Variants in AGBL1 observed in about 807,000 individuals in gnomAD.
AGBL1 encodes the protein cytosolic carboxypeptidase 4.
AGBL1 carries 130 observed loss-of-function variants against 118.9 expected under a neutral mutation model. The ratio of observed to expected loss-of-function variants is 1.09; its 90% CI spans 0.95 to 1.26. AGBL1 has a LOEUF of 1.26. Ranked by LOEUF, AGBL1 falls within the 50% of genes most tolerant of loss-of-function variation. The probability of loss-of-function intolerance (pLI) is 0.00; values close to 1 mark genes in which losing one functional copy is unlikely to be tolerated. For synonymous variants in AGBL1, 555 were observed against 478.9 expected, an observed-to-expected ratio of 1.16 and a Z score of -2.08; for missense variants, 1,584 against 1,298.1, an observed-to-expected ratio of 1.22 and a Z score of -3.38.
chr15:86,332,738 C>T, intron 17 of AGBL1, among the ~76,000 whole-genome samples: 1 of 151,850 alleles, frequency 6.6e-6, no homozygotes, highest in South Asian at 2.1e-4. Flanking sequence ...CACCCATCAA[C>T]TGCAGAATAT....
At chr15:86,196,884 C>CGT (rs2077820228) in intron 5 of AGBL1, among the ~76,000 whole-genome samples, 2 of 96,540 alleles carry the variant, frequency 2.1e-5, no homozygotes, top group African/African-American at 3.7e-5. Flanking sequence ...CGCGCGCACA[C>CGT]ACACACACAC....
chr15:86,994,774 C>A (rs1361905699), intron 24 of AGBL1, among the ~76,000 whole-genome samples: 7 of 152,166 alleles, frequency 4.6e-5, no homozygotes, highest in Non-Finnish European at 8.8e-5. Context: ...CAAATTTAAA[C>A]ATTCCAATTA....
chr15:86,502,181 T>G (rs1488572932), intron 18 of AGBL1, among the ~76,000 whole-genome samples: 1 of 151,562 alleles, frequency 6.6e-6, no homozygotes, highest in Non-Finnish European at 1.5e-5. Flanking sequence ...TTCCTAAGTA[T>G]TTTATTCTTT....
intron 18 of AGBL1, among the ~76,000 whole-genome samples, chr15:86,431,155 C>A: frequency 6.6e-6 from 1 of 152,152 alleles, no homozygotes. Context: ...CACGATGAAC[C>A]TCACTTCCCA....
In AGBL1 at chr15:86,520,793, A is replaced by T. The variant is rs142582000; in HGVS notation, c.2556-2017A>T. ...AGAAATCACAGAGCAGTCAAAGAGA[A>T]TCCTGGGGCTCTGGGATGTTGTGCC... On this transcript the variant is annotated intron_variant, in intron 18 of 22. Transcript: ENST00000614907. Among the ~76,000 whole-genome samples, 88 of 152,330 alleles carry T rather than the reference A, an allele frequency of 5.8e-4. 2 individuals are homozygous for T. The East Asian group carries it at 0.015, about 26-fold the overall frequency.
At chr15:86,769,213 G>GAC (rs2078139223) in intron 22 of AGBL1, among the ~76,000 whole-genome samples, 1 of 151,552 alleles carries the variant, frequency 6.6e-6, no homozygotes. Context: ...GAGAGAGAGA[G>GAC]AGAGAGAGAG....
intron 22 of AGBL1, among the ~76,000 whole-genome samples, chr15:86,831,468 T>C (rs1567196974): frequency 6.6e-6 from 1 of 152,210 alleles, no homozygotes; most frequent in African/African-American, 2.4e-5. Context: ...GTACAGGTAT[T>C]GGGTAAATAC....
intron 18 of AGBL1, among the ~76,000 whole-genome samples, chr15:86,488,037 T>C (rs949412944): frequency 6.6e-6 from 1 of 152,080 alleles, no homozygotes; most frequent in African/African-American, 2.4e-5. Context: ...TAACTCATCC[T>C]GAACTTTTCT....
At position 86,173,569 on chromosome 15, in the gene AGBL1, GT is replaced by G. The variant is rs542759481; in HGVS notation, c.488+14547del. Among the ~76,000 whole-genome samples, 461 of 152,090 alleles carry G rather than the reference GT, an allele frequency of 3.0e-3. 3 individuals carry two copies. The highest frequency in any genetic ancestry group is 0.011 in the African/African-American group (436 of 41,498). ...AGTGTTTTCTTCTAGTAGTTTCATAGTTTTGGGTTTTATATTTAAGTCTTTA... is the reference window on the plus strand; with the variant it reads ...AGTGTTTTCTTCTAGTAGTTTCATAGTTTGGGTTTTATATTTAAGTCTTTA... On this transcript the variant is annotated intron_variant, in intron 5 of 22. Coordinates refer to ENST00000614907, the MANE Select transcript of AGBL1 (RefSeq NM_001386094.1).
At chr15:86,933,609 T>A (rs569924683) in intron 23 of AGBL1, among the ~76,000 whole-genome samples, 13 of 152,158 alleles carry the variant, frequency 8.5e-5, no homozygotes, top group Non-Finnish European at 1.6e-4. Flanking sequence ...CTCAGGGAAT[T>A]GGATTTGTCT....
intron 22 of AGBL1, among the ~76,000 whole-genome samples, chr15:86,859,626 G>T (rs1395353392): frequency 6.6e-6 from 1 of 152,128 alleles, no homozygotes; most frequent in Non-Finnish European, 1.5e-5. Context: ...TTCTGTAAGG[G>T]TGCCGAGAAC....
chr15:86,827,361 ATGTGTGTG>A (rs1212966702), intron 22 of AGBL1, among the ~76,000 whole-genome samples: 193 of 8,970 alleles, frequency 0.022, 30 homozygotes, highest in East Asian at 0.17. Flanking sequence ...ATATATATAT[ATGTGTGTG>A]TATATATATA....
chr15:86,525,784 T>C (rs2083255004), intron 19 of AGBL1, among the ~76,000 whole-genome samples: 1 of 152,060 alleles, frequency 6.6e-6, no homozygotes, highest in Non-Finnish European at 1.5e-5. Context: ...TACGAAAAAC[T>C]CTTCTGGATA....
intron 1 of AGBL1, among the ~76,000 whole-genome samples, chr15:86,086,024 G>A (rs575888520): frequency 2.0e-5 from 3 of 152,208 alleles, no homozygotes; most frequent in Non-Finnish European, 4.4e-5. Flanking sequence ...GGTGCTTTGA[G>A]GTGTAATTGG....
At chr15:86,916,443 G>C (rs962715185), downstream of AGBL1, among the ~76,000 whole-genome samples, 7 of 152,116 alleles carry the variant, frequency 4.6e-5, no homozygotes, top group African/African-American at 1.7e-4. Context: ...GTGTGTGTGT[G>C]AATGTAAGTA....
At chr15:86,368,213 C>T (rs1026567620) in intron 17 of AGBL1, among the ~76,000 whole-genome samples, 10 of 151,898 alleles carry the variant, frequency 6.6e-5, no homozygotes, top group African/African-American at 2.4e-4. Context: ...TATTTCTGGA[C>T]TGGGGGTCTG....
At chr15:86,639,357 C>G (rs1474226896) in intron 21 of AGBL1, among the ~76,000 whole-genome samples, 1 of 152,122 alleles carries the variant, frequency 6.6e-6, no homozygotes, top group Non-Finnish European at 1.5e-5. Context: ...TGGTAAGTAC[C>G]TTCACTTCTA....
intron 22 of AGBL1, among the ~76,000 whole-genome samples, chr15:86,737,585 T>A (rs1414340540): frequency 3.3e-5 from 5 of 152,264 alleles, no homozygotes; most frequent in Middle Eastern, 3.4e-3. Context: ...TTGTGTAGTA[T>A]GAGCTGAGCC....
intron 18 of AGBL1, among the ~76,000 whole-genome samples, chr15:86,515,915 T>C (rs1158609683): frequency 6.6e-6 from 1 of 152,208 alleles, no homozygotes; most frequent in East Asian, 1.9e-4. Context: ...AGCTTGGTTT[T>C]ATACATTTTA....
Sources: gnomAD v4.1 joint callset for allele counts (sites outside exome capture counted in the v4.1 genomes callset) on GRCh38, gnomAD v4.1.1 for gene constraint, MANE v1.5 for transcripts, NCBI Gene and HGNC (gene_info 2026-07-23, HGNC 2026-07-21) for gene names.